RBM19: variants seen among roughly 807,000 people sequenced by gnomAD.
RBM19 encodes RNA binding motif protein 19, also known as probable RNA-binding protein 19.
RBM19 carries 94 observed loss-of-function variants against 116.8 expected under a neutral mutation model. The observed-to-expected ratio is 0.80, with a 90% CI of 0.68 to 0.95. The LOEUF is 0.95. Ranked by LOEUF, RBM19 falls within the 40% of genes least tolerant of loss-of-function variation. The pLI is 0.00. For missense variants in RBM19, 1,161 were observed against 1,220.7 expected (o/e 0.95, Z 0.73); for synonymous variants, 475 against 494.1 (o/e 0.96, Z 0.51).
intron 16 of RBM19, among the ~76,000 whole-genome samples, chr12:113,928,625 A>AGGTGTGTGTGTGTGTGTGTGTG: frequency 8.3e-6 from 1 of 120,334 alleles, no homozygotes; most frequent in Non-Finnish European, 1.8e-5. Context: ...TTAGCAAGGG[A>AGGTGTGTGTGTGTGTGTGTGTG]TGTGTGTGTG....
intron 4 of RBM19, 84 bp from the exon 5 acceptor site, chr12:113,959,488 T>C (rs973420839): frequency 3.5e-6 from 5 of 1,409,284 alleles, no homozygotes; most frequent in Non-Finnish European, 4.9e-6. Context: ...GGCTTGATCT[T>C]TCTAACTCTT....
chr12:113,939,834 G>A (rs1336312533), intron 15 of RBM19, 126 bp downstream of exon 15: 1 of 963,402 alleles, frequency 1.0e-6, no homozygotes, highest in East Asian at 2.5e-5. Context: ...CCATGATCGT[G>A]ACGGGCGGTT....
In RBM19 at chr12:113,904,699, G is replaced by A. The variant is rs577842942; in HGVS notation, c.2558+10270C>T. 2.1e-4 allele frequency among the ~76,000 whole-genome samples: 32 copies of A among 152,226 alleles called. No homozygotes were observed. In the South Asian group the frequency reaches 6.6e-3, roughly 32 times the overall value. On this transcript the variant is annotated intron_variant, in intron 21 of 23. Transcript: ENST00000261741. ...AGCCCCCAAACACACATAGACACAC[G>A]GCCAGATGGGTTGAGGCACACAACC...
chr12:113,959,113 C>G, intron 5 of RBM19, 99 bp downstream of exon 5: 1 of 1,355,632 alleles, frequency 7.4e-7, no homozygotes, highest in Middle Eastern at 2.8e-4. Context: ...AAGGGCTCAC[C>G]TGACTCCTAG....
chr12:113,906,760 A>G (rs1882073286), intron 21 of RBM19, among the ~76,000 whole-genome samples: 1 of 151,932 alleles, frequency 6.6e-6, no homozygotes, highest in East Asian at 1.9e-4. Context: ...GCCCAGTCTA[A>G]GATTCCCTGT....
rs766739457 is a variant in RBM19, at chr12:113,844,695, G to T, written c.2758C>A (p.Arg920=). The change falls in exon 23 of 24, where the codon CGG becomes AGG. Residue 920 remains arginine, a synonymous_variant. Transcript: ENST00000261741. ...TGAAAGTGAGCGGCCGTCTTCCGCC[G>T]CAGGGCCTGCAGGGTCACCTCGGAG... The part of the protein sequence containing the change: ...ADSEVTLQAL[R]RKTAAHFHEP... 6.2e-7 allele frequency: 1 copy of T among 1,611,510 alleles called. No individual in the cohort carries two copies.
At chr12:113,956,724 C>A (rs553928215) in intron 6 of RBM19, among the ~76,000 whole-genome samples, 103 of 152,228 alleles carry the variant, frequency 6.8e-4, no homozygotes, top group African/African-American at 1.8e-3. Flanking sequence ...GACGAGTTGG[C>A]CGACCTCTGG....
chr12:113,920,059 G>A (rs952399016), intron 19 of RBM19, among the ~76,000 whole-genome samples: 1 of 152,104 alleles, frequency 6.6e-6, no homozygotes, highest in African/African-American at 2.4e-5. Context: ...CTTTTCAAAC[G>A]TACTAAGCTC....
At chr12:113,836,195 C>A (rs1012224039) in intron 23 of RBM19, among the ~76,000 whole-genome samples, 4 of 152,148 alleles carry the variant, frequency 2.6e-5, no homozygotes, top group African/African-American at 9.7e-5. Context: ...AGATGAGAAA[C>A]CTGATTCTTG....
At chr12:113,961,571 C>T (rs1029402967) in intron 2 of RBM19, among the ~76,000 whole-genome samples, 10 of 152,134 alleles carry the variant, frequency 6.6e-5, no homozygotes, top group South Asian at 2.1e-4. Context: ...TATAGGATCA[C>T]GAGACATATA....
At chr12:113,879,014 C>T (rs1248127036) in intron 21 of RBM19, among the ~76,000 whole-genome samples, 1 of 152,164 alleles carries the variant, frequency 6.6e-6, no homozygotes, top group Non-Finnish European at 1.5e-5. Context: ...CCGTGTGTCC[C>T]ATCCCCGCCG....
chr12:113,887,052 A>T (rs541922984), intron 21 of RBM19, among the ~76,000 whole-genome samples: 2 of 152,352 alleles, frequency 1.3e-5, no homozygotes, highest in East Asian at 3.9e-4. Context: ...TTTTGGGGGA[A>T]AAAAATCACA....
intron 13 of RBM19, 83 bp downstream of exon 13, chr12:113,945,745 A>C (rs1487543963): frequency 2.1e-5 from 25 of 1,203,328 alleles, no homozygotes; most frequent in Non-Finnish European, 3.0e-5. Flanking sequence ...CCTCACAGCC[A>C]ACAGCAGTAC....
chr12:113,908,912 T>C (rs1882251876), intron 21 of RBM19, among the ~76,000 whole-genome samples: 1 of 152,232 alleles, frequency 6.6e-6, no homozygotes, highest in African/African-American at 2.4e-5. Flanking sequence ...CCTGTGGACA[T>C]GACAGTGAGC....
At chr12:113,946,031 C>T in intron 12 of RBM19, 107 bp from the exon 13 acceptor site, 1 of 1,046,946 alleles carries the variant, frequency 9.6e-7, no homozygotes, top group East Asian at 2.6e-5. Flanking sequence ...TGCCTATCTA[C>T]ATGCCCCCAA....
At chr12:113,837,342 A>G (rs933290760) in intron 23 of RBM19, among the ~76,000 whole-genome samples, 8 of 151,482 alleles carry the variant, frequency 5.3e-5, no homozygotes, top group Non-Finnish European at 1.0e-4. Flanking sequence ...CTTTGCCCAG[A>G]GAGCATCCTC....
At position 113,844,794 on chromosome 12, in the gene RBM19, G is replaced by A; in HGVS notation, c.2665-6C>T. On this transcript the variant is annotated splice_region_variant and splice_polypyrimidine_tract_variant and intron_variant, in intron 22 of 23. Coordinates refer to ENST00000261741, the MANE Select transcript of RBM19 (RefSeq NM_016196.4). ...CACAGGGCGTTGAAGGCTCTCTGCA[G>A]AGGGACAAGAAACGAAACTGCACAT... The A allele has an allele frequency of 6.2e-7, 1 of 1,606,854 alleles. No homozygotes were observed. Among genetic ancestry groups the A allele is most frequent in the Non-Finnish European group, 8.5e-7 (1 of 1,175,854 alleles).
chr12:113,821,891 T>A (rs1874439901), downstream of RBM19, among the ~76,000 whole-genome samples: 1 of 152,194 alleles, frequency 6.6e-6, no homozygotes, highest in African/African-American at 2.4e-5. Context: ...GCCAGCTCTG[T>A]GTTGCCTTGC....
In RBM19 at chr12:113,966,242, G is replaced by T. The variant is rs1460720278; in HGVS notation, c.-15C>A. 6.2e-7 allele frequency: 1 copy of T among 1,614,048 alleles called. No homozygotes were observed. The highest frequency in any genetic ancestry group is 8.5e-7 in the Non-Finnish European group (1 of 1,180,018). On this transcript the variant is annotated 5_prime_UTR_variant, in exon 1 of 24. Transcript: ENST00000261741. Reference sequence around the variant, plus strand: ...AGTCGCGACATGGCGCAGGGTCCCCGCTGTTTTGATTCCAACACGACTGGT... The same window carrying T: ...AGTCGCGACATGGCGCAGGGTCCCCTCTGTTTTGATTCCAACACGACTGGT...
Sources: allele counts gnomAD v4.1 joint callset (sites outside exome capture counted in the v4.1 genomes callset), GRCh38; gene constraint gnomAD v4.1.1; transcripts MANE v1.5; gene names NCBI Gene and HGNC (gene_info 2026-07-23, HGNC 2026-07-21).